Variants in GOT1 observed in about 807,000 individuals in gnomAD.
The protein encoded by GOT1 is glutamic-oxaloacetic transaminase 1.
A neutral mutation model predicts 48.2 loss-of-function variants in GOT1; 25 were observed. The ratio of observed to expected loss-of-function variants is 0.52; its 90% CI spans 0.38 to 0.72. The LOEUF (loss-of-function observed/expected upper bound fraction) is 0.72, where lower values mean the gene tolerates loss of function less well. Among genes scored for constraint, GOT1 ranks in the 30% least tolerant of loss-of-function variants. The probability of loss-of-function intolerance (pLI) is 0.00; values close to 1 mark genes in which losing one functional copy is unlikely to be tolerated. For missense variants in GOT1, 380 were observed against 520.1 expected, an observed-to-expected ratio of 0.73 and a Z score of 2.62; for synonymous variants, 188 against 193.8, an observed-to-expected ratio of 0.97 and a Z score of 0.25.
At chr10:99,404,723 A>G (rs1258186032) in intron 5 of GOT1, among the ~76,000 whole-genome samples, 12 of 152,056 alleles carry the variant, frequency 7.9e-5, no homozygotes, top group Admixed American at 7.9e-4. Context: ...TCACTCCCCG[A>G]CATCCAAGAT....
chr10:99,412,850 C>T (rs1026620008), intron 2 of GOT1, among the ~76,000 whole-genome samples: 8 of 152,254 alleles, frequency 5.3e-5, no homozygotes, highest in Non-Finnish European at 4.4e-5. Flanking sequence ...TGGAGTGGAC[C>T]GCCAGCAAAC....
rs2641 is a variant in GOT1 at position 99,397,002 on chromosome 10, C to G, written c.*545G>C. On this transcript the variant is annotated 3_prime_UTR_variant, in exon 9 of 9. Transcript: ENST00000370508. The surrounding 1 kb of genome is among the most constrained non-coding windows in gnomAD (Gnocchi z 5.4). ...AAAACTTGTTTCAGTTAAATATGTA[C>G]GTGTCCGTGCATGTCATGATTAAAT... 1.3e-5 allele frequency: 2 copies of G among 153,580 alleles called. No individual in the cohort carries two copies. Among genetic ancestry groups the G allele is most frequent in the Non-Finnish European group, 2.9e-5 (2 of 69,000 alleles). 9.5% of individuals were successfully genotyped at this position (153,580 alleles called of 1,614,324 possible).
chr10:99,398,403 T>C (rs891479357), intron 8 of GOT1, among the ~76,000 whole-genome samples: 12 of 152,186 alleles, frequency 7.9e-5, no homozygotes, highest in African/African-American at 2.4e-4. Flanking sequence ...GGCACAGTGG[T>C]TCACGCCTGT....
intron 1 of GOT1, among the ~76,000 whole-genome samples, chr10:99,421,378 C>T (rs560392256): frequency 2.0e-5 from 3 of 152,124 alleles, no homozygotes; most frequent in South Asian, 4.1e-4. Flanking sequence ...AATGCCCTGA[C>T]GATTTCAATG....
At chr10:99,416,836 C>T (rs1024309280) in intron 2 of GOT1, among the ~76,000 whole-genome samples, 1 of 152,110 alleles carries the variant, frequency 6.6e-6, no homozygotes, top group Non-Finnish European at 1.5e-5. Context: ...GGAAAGGATT[C>T]CCTATTTAAC....
At chr10:99,414,311 T>A (rs1041390363) in intron 2 of GOT1, among the ~76,000 whole-genome samples, 4 of 152,080 alleles carry the variant, frequency 2.6e-5, no homozygotes, top group African/African-American at 9.7e-5. Flanking sequence ...TAAAACAGAC[T>A]TTAAACCAAC....
Position 99,402,537 on chromosome 10 carries a change from G to A in GOT1, c.1102+43C>T, listed in dbSNP as rs1238547370. 1.9e-6 allele frequency: 3 copies of A among 1,606,756 alleles called. No homozygotes were observed. The South Asian group carries it at 3.3e-5, about 18-fold the overall frequency. The stretch of plus-strand genomic sequence containing the variant: ...CGAGCGACTGAAAGGAATGTTGTGT[G>A]TCTACATGCACGCATGGGCTGGAGG... On this transcript the variant is annotated intron_variant, in intron 8 of 8. Coordinates refer to ENST00000370508, the MANE Select transcript of GOT1 (RefSeq NM_002079.3).
chr10:99,406,760 CTTG>C lies in GOT1; in HGVS notation c.387_389del (p.Asn129del), dbSNP rs1274007669. 3.7e-6 allele frequency: 6 copies of C among 1,613,846 alleles called. No homozygotes were observed. The highest frequency in any genetic ancestry group is 1.6e-4 in the Middle Eastern group (1 of 6,084). On this transcript the variant is annotated inframe_deletion, in exon 3 of 9. Transcript: ENST00000370508. Reference sequence around the variant, plus strand: ...GTGAGGACACATAGACAGGTGTGTTCTTGTTGTTTGTTCCATTGTACCAACGCG... The same window carrying C: ...GTGAGGACACATAGACAGGTGTGTTCTTGTTTGTTCCATTGTACCAACGCG...
Position 99,397,531 on chromosome 10 carries a change from G to A in GOT1, c.*16C>T. Reference sequence around the variant, plus strand: ...ACAGAGAACTACTTTGGTGGTACTGGACGGGTGGTGTTTCTTCACTGGATT... The same window carrying A: ...ACAGAGAACTACTTTGGTGGTACTGAACGGGTGGTGTTTCTTCACTGGATT... On this transcript the variant is annotated 3_prime_UTR_variant, in exon 9 of 9. Coordinates refer to ENST00000370508, the MANE Select transcript of GOT1 (RefSeq NM_002079.3). This position sits in a 1 kb window ranked among gnomAD's most constrained non-coding sequence, Gnocchi z 5.4. The A allele has an allele frequency of 6.2e-7, 1 of 1,613,116 alleles. No homozygotes were observed. Among genetic ancestry groups the A allele is most frequent in the Non-Finnish European group, 8.5e-7 (1 of 1,179,636 alleles).
chr10:99,404,445 G>A (rs1217881221), intron 5 of GOT1, among the ~76,000 whole-genome samples: 1 of 152,112 alleles, frequency 6.6e-6, no homozygotes, highest in East Asian at 1.9e-4. Flanking sequence ...TGGGACTGGG[G>A]GGAATCTGGA....
At position 99,397,707 on chromosome 10, in the gene GOT1, A is replaced by G; in HGVS notation, c.1103-21T>C. 6.2e-7 allele frequency: 1 copy of G among 1,612,982 alleles called. No homozygotes were observed. Among genetic ancestry groups the G allele is most frequent in the Non-Finnish European group, 8.5e-7 (1 of 1,178,948 alleles). Reference sequence around the variant, plus strand: ...CTTGGCTGTTGAAAACCAAAAGAAGACATAATCAGAGCAGAGGGGATCCTT... The same window carrying G: ...CTTGGCTGTTGAAAACCAAAAGAAGGCATAATCAGAGCAGAGGGGATCCTT... On this transcript the variant is annotated intron_variant, in intron 8 of 8. Transcript: ENST00000370508. The surrounding 1 kb of genome is among the most constrained non-coding windows in gnomAD (Gnocchi z 5.4).
Position 99,420,578 on chromosome 10 carries a change from T to C in GOT1, c.300+46A>G, listed in dbSNP as rs562236745. On this transcript the variant is annotated intron_variant, in intron 2 of 8. Coordinates refer to ENST00000370508, the MANE Select transcript of GOT1 (RefSeq NM_002079.3). ...ACAAACTGTATTCTCAACATCTTTTTACTTTCAGTTTCTAAAGAGAAAATA... is the reference window on the plus strand; with the variant it reads ...ACAAACTGTATTCTCAACATCTTTTCACTTTCAGTTTCTAAAGAGAAAATA... 49 of 1,388,674 alleles carry C rather than the reference T, an allele frequency of 3.5e-5. 1 individual carries two copies. In the Admixed American group the frequency reaches 9.5e-4, roughly 27 times the overall value. The allele number at this position is 1,388,674 out of a possible 1,614,324, so 86.0% of individuals were successfully genotyped here. A position where few individuals can be genotyped will look rare whatever the true frequency, so the allele number is the denominator to read the frequency against.
chr10:99,407,127 C>T (rs1158229309), intron 2 of GOT1, among the ~76,000 whole-genome samples: 1 of 152,160 alleles, frequency 6.6e-6, no homozygotes, highest in Non-Finnish European at 1.5e-5. Context: ...AGGTCTGACA[C>T]TAGAAGAAGC....
At chr10:99,424,558 T>C (rs2033013671) in intron 1 of GOT1, among the ~76,000 whole-genome samples, 1 of 152,240 alleles carries the variant, frequency 6.6e-6, no homozygotes, top group South Asian at 2.1e-4. Context: ...TATGTGTTTA[T>C]ATTTATGATA....
At chr10:99,428,344 TG>T (rs1733044266) in intron 1 of GOT1, among the ~76,000 whole-genome samples, 1 of 151,336 alleles carries the variant, frequency 6.6e-6, no homozygotes, top group Non-Finnish European at 1.5e-5. Context: ...AAATCTGACG[TG>T]GTTTTTTGTT....
At chr10:99,405,184 T>C (rs1275098711) in intron 5 of GOT1, among the ~76,000 whole-genome samples, 1 of 152,212 alleles carries the variant, frequency 6.6e-6, no homozygotes, top group African/African-American at 2.4e-5. Context: ...AGTTCCTTAA[T>C]AAGTATTCTA....
intron 2 of GOT1, among the ~76,000 whole-genome samples, chr10:99,419,023 C>T (rs533727895): frequency 5.9e-5 from 9 of 152,320 alleles, no homozygotes; most frequent in East Asian, 3.9e-4. Flanking sequence ...GTCCCAAGAC[C>T]TTCACCAGGG....
chr10:99,398,089 G>A (rs1418784861), intron 8 of GOT1, among the ~76,000 whole-genome samples: 2 of 152,100 alleles, frequency 1.3e-5, no homozygotes, highest in African/African-American at 2.4e-5. Flanking sequence ...GAGTACCCGC[G>A]GCAGCCTCCC....
intron 1 of GOT1, among the ~76,000 whole-genome samples, chr10:99,426,923 C>G (rs2033043987): frequency 6.6e-6 from 1 of 152,116 alleles, no homozygotes; most frequent in Admixed American, 6.5e-5. Context: ...AGTATCTTCC[C>G]TAAGGTCAAT....
Sources: gnomAD v4.1 joint callset for allele counts (sites outside exome capture counted in the v4.1 genomes callset) on GRCh38, gnomAD v4.1.1 for gene constraint, Gnocchi (gnomAD v3.1) non-coding constraint, MANE v1.5 for transcripts, NCBI Gene and HGNC (gene_info 2026-07-23, HGNC 2026-07-21) for gene names.